BSN: variants seen among roughly 807,000 people sequenced by gnomAD.
The protein encoded by BSN is bassoon presynaptic cytomatrix protein, also known as protein bassoon.
In BSN, 57 loss-of-function variants were observed where a neutral mutation model predicts 264.8. The observed-to-expected ratio is 0.22, with a 90% CI of 0.17 to 0.27. The LOEUF is 0.27. Ranked by LOEUF, BSN falls within the 10% of genes least tolerant of loss-of-function variation. The pLI, the probability that BSN is intolerant of heterozygous loss-of-function variation, is 1.00. For missense variants in BSN, 4,615 were observed against 5,232.5 expected, an observed-to-expected ratio of 0.88 and a Z score of 3.64; for synonymous variants, 2,059 against 2,137.3, an observed-to-expected ratio of 0.96 and a Z score of 1.01.
intron 1 of BSN, among the ~76,000 whole-genome samples, chr3:49,616,225 G>T (rs1315117865): frequency 2.6e-5 from 4 of 152,160 alleles, no homozygotes; most frequent in Non-Finnish European, 5.9e-5. Flanking sequence ...AAACTTTCTA[G>T]ATTCTCATAT....
intron 1 of BSN, among the ~76,000 whole-genome samples, chr3:49,591,520 T>G (rs1374659136): frequency 6.6e-6 from 1 of 152,240 alleles, no homozygotes; most frequent in Non-Finnish European, 1.5e-5. Context: ...ACAATTTTTT[T>G]TCCTGCTTTT....
At chr3:49,587,893 T>TTTTCTTTTCTTTTC (rs1370397215) in intron 1 of BSN, among the ~76,000 whole-genome samples, 1 of 125,618 alleles carries the variant, frequency 8.0e-6, no homozygotes, top group Non-Finnish European at 1.6e-5. Context: ...GGGGTTTTTC[T>TTTTCTTTTCTTTTC]TTTCTTTTCT....
intron 1 of BSN, among the ~76,000 whole-genome samples, chr3:49,577,314 C>A (rs1018337647): frequency 6.6e-5 from 10 of 152,050 alleles, no homozygotes; most frequent in Admixed American, 2.0e-4. Context: ...CAAATTCTAC[C>A]CTACTGGGAA....
At chr3:49,603,087 TG>T (rs1298567277) in intron 1 of BSN, among the ~76,000 whole-genome samples, 1 of 152,222 alleles carries the variant, frequency 6.6e-6, no homozygotes, top group Non-Finnish European at 1.5e-5. Flanking sequence ...AGCTGGGGCC[TG>T]GTCTTCCACA....
Position 49,661,355 on chromosome 3 carries a change from C to T in BSN, c.9510C>T (p.Pro3170=), listed in dbSNP as rs1311994671. 17 of 1,613,892 alleles carry T rather than the reference C, an allele frequency of 1.1e-5. No homozygotes were observed. Among genetic ancestry groups the T allele is most frequent in the Admixed American group, 1.7e-5 (1 of 60,000 alleles). Residue 3170 remains proline, a synonymous_variant, in exon 6 of 12, where the codon CCC becomes CCT. Coordinates refer to ENST00000296452, the MANE Select transcript of BSN (RefSeq NM_003458.4). The part of the protein sequence containing the change: ...NYEVIASPVV[P]MSSAPSETSY... The stretch of plus-strand genomic sequence containing the variant: ...AGGTGATCGCCAGCCCCGTTGTGCC[C>T]ATGTCTTCAGCCCCATCTGAAACCA...
At position 49,625,317 on chromosome 3, in the gene BSN, C is replaced by G. The variant is rs1300224073; in HGVS notation, c.567C>G (p.Thr189=). The G allele has an allele frequency of 3.1e-6, 5 of 1,590,148 alleles. No homozygotes were observed. Among genetic ancestry groups the G allele is most frequent in the Non-Finnish European group, 4.3e-6 (5 of 1,168,686 alleles). ...CCCCCAGCCAGCCAAACTTCAACAC[C>G]TGCACCCAGTGTCACAACAAGGTCT... ...TSTPSQPNFN[T]CTQCHNKVCN... The change falls in exon 2 of 12, where the codon ACC becomes ACG. Residue 189 remains threonine, a synonymous_variant. Transcript: ENST00000296452. This position sits in a 1 kb window ranked among gnomAD's most constrained non-coding sequence, Gnocchi z 4.4.
At chr3:49,569,753 A>C (rs1319900908) in intron 1 of BSN, among the ~76,000 whole-genome samples, 1 of 152,232 alleles carries the variant, frequency 6.6e-6, no homozygotes, top group African/African-American at 2.4e-5. Context: ...GATGAAGCTC[A>C]GGCCACCAGA....
chr3:49,641,022 A>AG (rs2052458861), intron 2 of BSN, among the ~76,000 whole-genome samples: 2 of 124,496 alleles, frequency 1.6e-5, no homozygotes, highest in Admixed American at 1.6e-4. Context: ...GACCAGAGAG[A>AG]GGGGGAGGCT....
rs370262923 is a variant in BSN, at chr3:49,651,042, A to G, written c.1949A>G (p.Lys650Arg). Residue 650 changes from lysine (K) to arginine (R), a missense_variant, in exon 4 of 12, where the codon AAG (lysine) becomes AGG (arginine). Lys to Arg is a conservative substitution (Grantham distance 26). This residue lies in a region of BSN where 1,197 missense variants were observed against 1,348.0 expected (regional missense o/e 0.89). Coordinates refer to ENST00000296452, the MANE Select transcript of BSN (RefSeq NM_003458.4). The surrounding 1 kb of genome is among the most constrained non-coding windows in gnomAD (Gnocchi z 5.4). ...RRAEPATPVV[K>R]AVPEAPKGGE... ...GCTGAACCTGCCACCCCTGTCGTCA[A>G]GGCTGTTCCAGAAGCCCCCAAGGGT... The G allele has an allele frequency of 1.2e-6, 2 of 1,613,140 alleles. No individual in the cohort carries two copies. Among genetic ancestry groups the G allele is most frequent in the South Asian group, 1.1e-5 (1 of 91,032 alleles).
At chr3:49,558,768 T>C (rs1242137283) in intron 1 of BSN, among the ~76,000 whole-genome samples, 1 of 152,200 alleles carries the variant, frequency 6.6e-6, no homozygotes, top group Non-Finnish European at 1.5e-5. Flanking sequence ...GTCAAAATTT[T>C]ACCCAGAGGG....
At chr3:49,576,595 A>G (rs1230908417) in intron 1 of BSN, among the ~76,000 whole-genome samples, 1 of 151,422 alleles carries the variant, frequency 6.6e-6, no homozygotes, top group Non-Finnish European at 1.5e-5. Flanking sequence ...TAATTTTTTG[A>G]AATTTTAGTA....
chr3:49,642,506 C>T lies in BSN; in HGVS notation c.872C>T (p.Ala291Val), dbSNP rs753923690. 45 of 1,568,910 alleles carry T rather than the reference C, an allele frequency of 2.9e-5. No individual in the cohort carries two copies. The highest frequency in any genetic ancestry group is 3.7e-5 in the Non-Finnish European group (43 of 1,157,904). Residue 291 changes from alanine to valine, a missense_variant, in exon 3 of 12, where the codon GCC (alanine) becomes GTC (valine). Physicochemically the swap from Ala to Val is moderately conservative, Grantham distance 64 (BLOSUM62 0). Around this residue, in one of 3 missense-constraint regions of BSN, gnomAD observed 1,197 missense variants for 1,348.0 expected, o/e 0.89. Transcript: ENST00000296452. The surrounding 1 kb of genome is among the most constrained non-coding windows in gnomAD (Gnocchi z 7.0). ...AGGGCCACCTCAGTGCCGGGGCCTG[C>T]CCAAGCAGCTGCCCCTCCAGAGGTG... ...TARATSVPGP[A>V]QAAAPPEVGR... is the part of the protein sequence containing the mutation.
At chr3:49,659,538 C>T (rs1218377871) in intron 5 of BSN, among the ~76,000 whole-genome samples, 2 of 152,142 alleles carry the variant, frequency 1.3e-5, no homozygotes, top group Non-Finnish European at 2.9e-5. Flanking sequence ...CTATAGGAGT[C>T]ACTTCCCAGT....
intron 1 of BSN, among the ~76,000 whole-genome samples, chr3:49,570,462 A>G (rs2051787260): frequency 6.6e-6 from 1 of 152,080 alleles, no homozygotes; most frequent in East Asian, 1.9e-4. Context: ...TTGCACCTAC[A>G]TGGCCATTCT....
chr3:49,610,317 G>C (rs954247522), intron 1 of BSN, among the ~76,000 whole-genome samples: 4 of 152,088 alleles, frequency 2.6e-5, no homozygotes, highest in African/African-American at 9.7e-5. Flanking sequence ...GAGTTCAGAG[G>C]GTTTCATTCT....
intron 2 of BSN, among the ~76,000 whole-genome samples, chr3:49,636,889 C>T (rs564605170): frequency 7.9e-5 from 12 of 152,378 alleles, no homozygotes; most frequent in Non-Finnish European, 1.5e-4. Flanking sequence ...CAGCTGCCAC[C>T]TTAGCTGCCC....
At chr3:49,584,273 G>T (rs1453234150) in intron 1 of BSN, among the ~76,000 whole-genome samples, 2 of 94,836 alleles carry the variant, frequency 2.1e-5, no homozygotes, top group African/African-American at 8.3e-5. Flanking sequence ...TTTGTTAAAA[G>T]AAGGCTTATT....
chr3:49,625,252 A>G lies in BSN; in HGVS notation c.502A>G (p.Thr168Ala). 2 of 1,602,248 alleles carry G rather than the reference A, an allele frequency of 1.2e-6. No individual in the cohort carries two copies. Among genetic ancestry groups the G allele is most frequent in the Non-Finnish European group, 1.7e-6 (2 of 1,174,364 alleles). The change falls in exon 2 of 12, where the codon ACG (threonine) becomes GCG (alanine). Residue 168 changes from threonine (T) to alanine (A), a missense_variant. Around this residue, in one of 3 missense-constraint regions of BSN, gnomAD observed 1,197 missense variants for 1,348.0 expected, o/e 0.89. Transcript: ENST00000296452. This position sits in a 1 kb window ranked among gnomAD's most constrained non-coding sequence, Gnocchi z 4.4. Reference sequence around the variant, plus strand: ...TCAGATCGCCCCCCTTCCCAGCAGCACGCTGTGTCCCATATGCAAGACTTC... The same window carrying G: ...TCAGATCGCCCCCCTTCCCAGCAGCGCGCTGTGTCCCATATGCAAGACTTC... ...VPQIAPLPSSTLCPICKTSDL... is the reference protein window; with the variant it reads ...VPQIAPLPSSALCPICKTSDL...
chr3:49,613,530 T>C (rs998668606), intron 1 of BSN, among the ~76,000 whole-genome samples: 1 of 151,978 alleles, frequency 6.6e-6, no homozygotes, highest in Non-Finnish European at 1.5e-5. Context: ...GTTTTTGCTC[T>C]GTTGCCCAGG....
Sources: gnomAD v4.1 joint callset for allele counts (sites outside exome capture counted in the v4.1 genomes callset) on GRCh38, gnomAD v4.1.1 for gene constraint, gnomAD v4.1.1 regional missense constraint, Gnocchi (gnomAD v3.1) non-coding constraint, MANE v1.5 for transcripts, NCBI Gene and HGNC (gene_info 2026-07-23, HGNC 2026-07-21) for gene names.